Variants in RERE observed in about 807,000 individuals in gnomAD.
RERE encodes arginine-glutamic acid dipeptide repeats protein.
A neutral mutation model predicts 146.1 loss-of-function variants in RERE; 40 were observed. The ratio of observed to expected loss-of-function variants is 0.27; its 90% CI spans 0.21 to 0.36. RERE has a LOEUF of 0.36. Among genes scored for constraint, RERE ranks in the 10% least tolerant of loss-of-function variants. The pLI, the probability that RERE is intolerant of heterozygous loss-of-function variation, is 1.00. For synonymous variants in RERE, 1,003 were observed against 866.0 expected (o/e 1.16, Z -2.78); for missense variants, 1,933 against 2,138.7 (o/e 0.90, Z 1.90).
At chr1:8,439,910 T>A (rs1240544117) in intron 11 of RERE, among the ~76,000 whole-genome samples, 2 of 151,796 alleles carry the variant, frequency 1.3e-5, no homozygotes, top group East Asian at 1.9e-4. Flanking sequence ...CCGTCTACAC[T>A]AAAAATACAA....
At position 8,662,152 on chromosome 1, in the gene RERE, G is replaced by T. The variant is rs80049101; in HGVS notation, c.-144-5711C>A. 5.7e-3 allele frequency among the ~76,000 whole-genome samples: 871 copies of T among 152,262 alleles called. 7 individuals carry two copies. Among genetic ancestry groups the T allele is most frequent in the African/African-American group, 0.02 (837 of 41,554 alleles). On this transcript the variant is annotated intron_variant, in intron 1 of 22. Coordinates refer to ENST00000400908, the MANE Select transcript of RERE (RefSeq NM_001042681.2). ...AAGGCCAGATTCCTCACAGTTTTTTGATCCTATTAGATTCCCCACTTAATC... is the reference window on the plus strand; with the variant it reads ...AAGGCCAGATTCCTCACAGTTTTTTTATCCTATTAGATTCCCCACTTAATC...
intron 6 of RERE, among the ~76,000 whole-genome samples, chr1:8,541,772 CT>C (rs1438962272): frequency 6.6e-6 from 1 of 152,148 alleles, no homozygotes; most frequent in Non-Finnish European, 1.5e-5. Flanking sequence ...TGGAATACAG[CT>C]TCTGGCCAAT....
At chr1:8,588,438 C>T (rs1392738465) in intron 4 of RERE, among the ~76,000 whole-genome samples, 4 of 152,154 alleles carry the variant, frequency 2.6e-5, no homozygotes, top group East Asian at 1.9e-4. Flanking sequence ...GAAGGGTCGT[C>T]GCCTCGTCCA....
intron 10 of RERE, among the ~76,000 whole-genome samples, chr1:8,491,845 T>C (rs1238139078): frequency 1.3e-5 from 2 of 152,196 alleles, no homozygotes; most frequent in East Asian, 3.8e-4. Context: ...AACTGATAAA[T>C]GCCTAACCTT....
chr1:8,760,265 G>T (rs1640728494), intron 1 of RERE, among the ~76,000 whole-genome samples: 1 of 152,220 alleles, frequency 6.6e-6, no homozygotes, highest in South Asian at 2.1e-4. Flanking sequence ...GACCTCAGGT[G>T]ATCCGCCCGC....
chr1:8,401,832 A>G (rs1643271742), intron 12 of RERE, among the ~76,000 whole-genome samples: 1 of 151,998 alleles, frequency 6.6e-6, no homozygotes, highest in South Asian at 2.1e-4. Context: ...TAAACAATAC[A>G]ACACAGTGTA....
chr1:8,706,283 A>T (rs1416281895), intron 1 of RERE, among the ~76,000 whole-genome samples: 1 of 151,314 alleles, frequency 6.6e-6, no homozygotes, highest in African/African-American at 2.4e-5. Flanking sequence ...CTCAGTCTCT[A>T]AAAAAAAATT....
intron 11 of RERE, among the ~76,000 whole-genome samples, chr1:8,438,281 T>C (rs1644198451): frequency 6.6e-6 from 1 of 152,148 alleles, no homozygotes; most frequent in Admixed American, 6.5e-5. Flanking sequence ...TGAGCCACTG[T>C]GCCCAGCCAG....
At chr1:8,426,059 G>A (rs757514958) in intron 11 of RERE, among the ~76,000 whole-genome samples, 76 of 152,098 alleles carry the variant, frequency 5.0e-4, no homozygotes, top group Non-Finnish European at 4.6e-4. Context: ...GCAGGCAGGC[G>A]TCTACAGTGG....
At position 8,461,913 on chromosome 1, in the gene RERE, C is replaced by T. The variant is rs528790895; in HGVS notation, c.1203+4012G>A. On this transcript the variant is annotated intron_variant, in intron 11 of 22. Coordinates refer to ENST00000400908, the MANE Select transcript of RERE (RefSeq NM_001042681.2). ...AGGCTGGAGTGCAGTGCCATGATCA[C>T]GGCTCACTGCAGCCTCTAACCCCTG... Among the ~76,000 whole-genome samples the T allele has an allele frequency of 5.3e-5, 8 of 152,198 alleles. No individual in the cohort carries two copies. The East Asian group carries it at 7.7e-4, about 15-fold the overall frequency.
intron 1 of RERE, among the ~76,000 whole-genome samples, chr1:8,665,524 G>C (rs542058686): frequency 6.6e-6 from 1 of 152,364 alleles, no homozygotes; most frequent in Admixed American, 6.5e-5. Flanking sequence ...ATAAATAACT[G>C]AAGAGGTACT....
chr1:8,615,336 C>T lies in RERE; in HGVS notation c.397-650G>A, dbSNP rs148013447. 4.6e-3 allele frequency among the ~76,000 whole-genome samples: 695 copies of T among 152,242 alleles called. 6 individuals are homozygous for T. The highest frequency in any genetic ancestry group is 0.016 in the African/African-American group (667 of 41,526). ...ATGAATAGGCACAGAGCATAAAGTT[C>T]CAGAAAGACATTACTTATTTTTATA... On this transcript the variant is annotated intron_variant, in intron 3 of 22. Transcript: ENST00000400908.
intron 12 of RERE, among the ~76,000 whole-genome samples, chr1:8,416,308 A>G (rs192277114): frequency 2.4e-4 from 36 of 152,292 alleles, no homozygotes; most frequent in African/African-American, 7.5e-4. Context: ...GCTCACGGTC[A>G]GGCGCGGTGG....
At position 8,361,395 on chromosome 1, in the gene RERE, G is replaced by A. The variant is rs752835526; in HGVS notation, c.2112C>T (p.Ile704=). 8.1e-6 allele frequency: 13 copies of A among 1,613,896 alleles called. No homozygotes were observed. In the Middle Eastern group the frequency reaches 5.0e-4, roughly 61 times the overall value. Residue 704 remains isoleucine (I), a synonymous_variant, in exon 18 of 23, where the codon ATC becomes ATT. Coordinates refer to ENST00000400908, the MANE Select transcript of RERE (RefSeq NM_001042681.2). ...NDEGSSDPKD[I]DQDNRSTSPS... ...GGGACGTGCTGCGATTGTCCTGGTC[G>A]ATGTCTTTGGGGTCACTGCTACCCT...
At chr1:8,720,512 A>T (rs566174223) in intron 1 of RERE, among the ~76,000 whole-genome samples, 3 of 152,214 alleles carry the variant, frequency 2.0e-5, no homozygotes, top group Admixed American at 1.3e-4. Context: ...AGAGACAGAC[A>T]GACAGAGTCA....
chr1:8,708,646 G>T (rs949355801), intron 1 of RERE, among the ~76,000 whole-genome samples: 2 of 151,984 alleles, frequency 1.3e-5, no homozygotes, highest in African/African-American at 4.8e-5. Context: ...TTTTAAAAAT[G>T]GGAGTCTCCC....
rs3082094 is a variant in RERE at position 8,601,626 on chromosome 1, C to CCACACACACACACACACA, written c.522+12917_522+12934dup. On this transcript the variant is annotated intron_variant, in intron 4 of 22. Coordinates refer to ENST00000400908, the MANE Select transcript of RERE (RefSeq NM_001042681.2). ...CCAACTGCCTTCATGTCCAAGGTCA[C>CCACACACACACACACACA]CACACACACACACACACACACACAC... Among the ~76,000 whole-genome samples, 36 of 94,976 alleles carry CCACACACACACACACACA rather than the reference C, an allele frequency of 3.8e-4. 2 individuals are homozygous for CCACACACACACACACACA. Among genetic ancestry groups the CCACACACACACACACACA allele is most frequent in the African/African-American group, 1.1e-3 (26 of 22,914 alleles). 62.3% of individuals were successfully genotyped at this position (94,976 alleles called of 152,430 possible).
At chr1:8,534,053 A>C (rs1214202683) in intron 7 of RERE, among the ~76,000 whole-genome samples, 1 of 152,218 alleles carries the variant, frequency 6.6e-6, no homozygotes, top group African/African-American at 2.4e-5. Flanking sequence ...ACAGGAAAAA[A>C]TTTGTATCCA....
chr1:8,481,358 C>T (rs1644831649), intron 10 of RERE, among the ~76,000 whole-genome samples: 1 of 152,172 alleles, frequency 6.6e-6, no homozygotes, highest in Non-Finnish European at 1.5e-5. Context: ...TCGTGATCTG[C>T]CTGCCTTGGC....
Sources: gnomAD v4.1 joint callset for allele counts (sites outside exome capture counted in the v4.1 genomes callset) on GRCh38, gnomAD v4.1.1 for gene constraint, MANE v1.5 for transcripts, NCBI Gene and HGNC (gene_info 2026-07-23, HGNC 2026-07-21) for gene names.